The following PEPD variants were observed in gnomAD, a reference collection of about 807,000 sequenced individuals.
PEPD encodes the protein peptidase D.
Under a neutral mutation model 60.7 loss-of-function variants are expected in PEPD, and 53 were observed. The ratio of observed to expected loss-of-function variants is 0.87; its 90% CI spans 0.70 to 1.10. The LOEUF is 1.10. Among genes scored for constraint, PEPD ranks in the 50% least tolerant of loss-of-function variants. The probability of loss-of-function intolerance (pLI) is 0.00; values close to 1 mark genes in which losing one functional copy is unlikely to be tolerated. For missense variants in PEPD, 711 were observed against 711.9 expected (o/e 1.00, Z 0.01); for synonymous variants, 267 against 284.1 (o/e 0.94, Z 0.60).
At chr19:33,520,386 G>A (rs1484831246) in intron 1 of PEPD, among the ~76,000 whole-genome samples, 1 of 152,214 alleles carries the variant, frequency 6.6e-6, no homozygotes, top group Non-Finnish European at 1.5e-5. Flanking sequence ...TCTACCTGAA[G>A]GGAGTCTCAT....
chr19:33,518,585 A>G (rs1971069513), intron 1 of PEPD, among the ~76,000 whole-genome samples: 1 of 152,166 alleles, frequency 6.6e-6, no homozygotes, highest in African/African-American at 2.4e-5. Flanking sequence ...ACCCCTCGGA[A>G]TTCTGTCCCC....
chr19:33,512,686 C>G lies in PEPD; in HGVS notation c.108G>C (p.Lys36Asn). The change falls in exon 2 of 15, where the codon AAG becomes AAC. Residue 36 changes from lysine to asparagine, a missense_variant. Physicochemically the swap from Lys to Asn is moderately conservative, Grantham distance 94. Coordinates refer to ENST00000244137, the MANE Select transcript of PEPD (RefSeq NM_000285.4). ...TGGAGCCGGCCTGCACAGCAGGGTT[C>G]TTCCGCAGCCGCTCACACAGGCGCT... ...NRQRLCERLRKNPAVQAGSIV... is the reference protein window; with the variant it reads ...NRQRLCERLRNNPAVQAGSIV... The G allele has an allele frequency of 6.2e-7, 1 of 1,614,030 alleles. No individual in the cohort carries two copies. The highest frequency in any genetic ancestry group is 8.5e-7 in the Non-Finnish European group (1 of 1,179,988).
At chr19:33,444,038 G>A (rs1056898775) in intron 9 of PEPD, among the ~76,000 whole-genome samples, 3 of 152,208 alleles carry the variant, frequency 2.0e-5, no homozygotes, top group African/African-American at 2.4e-5. Flanking sequence ...TGTAATGGGT[G>A]TATATATCAC....
chr19:33,404,850 A>C (rs1019596687), intron 11 of PEPD, among the ~76,000 whole-genome samples: 2 of 152,106 alleles, frequency 1.3e-5, no homozygotes, highest in Non-Finnish European at 2.9e-5. Flanking sequence ...CTACACACAT[A>C]AGTTATTCAG....
At chr19:33,507,204 GGGTCCCCCGACCT>G (rs1328593504) in intron 3 of PEPD, among the ~76,000 whole-genome samples, 3 of 152,156 alleles carry the variant, frequency 2.0e-5, no homozygotes, top group Non-Finnish European at 2.9e-5. Flanking sequence ...GGTTCCAGGA[GGGTCCCCCGACCT>G]GGTCAAACTG....
chr19:33,491,287 C>CA (rs1970495154), intron 5 of PEPD, among the ~76,000 whole-genome samples: 1 of 151,874 alleles, frequency 6.6e-6, no homozygotes, highest in African/African-American at 2.4e-5. Context: ...CCGTCTCTAA[C>CA]AAAAAACACA....
chr19:33,459,663 C>A (rs1403726803), intron 9 of PEPD, among the ~76,000 whole-genome samples: 2 of 140,912 alleles, frequency 1.4e-5, no homozygotes, highest in African/African-American at 5.5e-5. Flanking sequence ...AAATGCCATC[C>A]GCTCGCTCAC....
chr19:33,452,788 T>C (rs950819480), intron 9 of PEPD, among the ~76,000 whole-genome samples: 6 of 152,182 alleles, frequency 3.9e-5, no homozygotes, highest in African/African-American at 1.4e-4. Context: ...TCTGAAAAGT[T>C]ACCAAAGAAA....
At chr19:33,471,045 C>T (rs1277167743) in intron 7 of PEPD, among the ~76,000 whole-genome samples, 3 of 152,180 alleles carry the variant, frequency 2.0e-5, no homozygotes, top group Non-Finnish European at 4.4e-5. Context: ...ATCCTCCTCC[C>T]AGCAGAGGTG....
chr19:33,511,209 GGACCGGTGGC>G, intron 2 of PEPD, 54 bp from the exon 3 acceptor site: 1 of 1,603,814 alleles, frequency 6.2e-7, no homozygotes, highest in Non-Finnish European at 8.5e-7. Flanking sequence ...GTGCAAGGAG[GGACCGGTGGC>G]TGCATCACAG....
chr19:33,431,992 C>CAAAAAAAAAAAAAAAA (rs906879187), intron 9 of PEPD, among the ~76,000 whole-genome samples: 11 of 77,858 alleles, frequency 1.4e-4, no homozygotes, highest in African/African-American at 1.9e-4. Context: ...GACACCACCT[C>CAAAAAAAAAAAAAAAA]AAAAAAAAAA....
chr19:33,440,476 C>T (rs1330195344), intron 9 of PEPD, among the ~76,000 whole-genome samples: 3 of 152,244 alleles, frequency 2.0e-5, no homozygotes, highest in East Asian at 1.9e-4. Flanking sequence ...ACAGCTGGAC[C>T]GTGGCCCTCC....
At chr19:33,409,428 G>A (rs556387309) in intron 11 of PEPD, among the ~76,000 whole-genome samples, 5 of 152,362 alleles carry the variant, frequency 3.3e-5, no homozygotes, top group Admixed American at 2.0e-4. Flanking sequence ...CAGCACTTTT[G>A]GGAGGCCGAG....
intron 9 of PEPD, among the ~76,000 whole-genome samples, chr19:33,440,300 A>G (rs951825326): frequency 6.6e-6 from 1 of 151,534 alleles, no homozygotes; most frequent in East Asian, 1.9e-4. Flanking sequence ...TTCCCACAAC[A>G]CCCAGCCCTG....
At chr19:33,473,422 C>G (rs755593543) in intron 7 of PEPD, among the ~76,000 whole-genome samples, 2 of 152,158 alleles carry the variant, frequency 1.3e-5, no homozygotes, top group Non-Finnish European at 2.9e-5. Context: ...CCTGTGCACA[C>G]AGAGAGGCCG....
intron 4 of PEPD, among the ~76,000 whole-genome samples, chr19:33,496,805 T>G (rs1335048166): frequency 6.6e-6 from 1 of 152,244 alleles, no homozygotes; most frequent in Non-Finnish European, 1.5e-5. Flanking sequence ...CAGAGCCCTG[T>G]GGGTGTACAT....
intron 9 of PEPD, 186 bp downstream of exon 9, chr19:33,462,809 G>A (rs1969951155): frequency 1.5e-6 from 1 of 651,834 alleles, no homozygotes; most frequent in Non-Finnish European, 2.8e-6. Context: ...CAAACACTCT[G>A]CCAAGAGCCA....
intron 12 of PEPD, among the ~76,000 whole-genome samples, chr19:33,397,567 G>C (rs1968394285): frequency 6.6e-6 from 1 of 151,932 alleles, no homozygotes; most frequent in African/African-American, 2.4e-5. Flanking sequence ...TCTGCCCTTG[G>C]GGGACACCAA....
rs765917851 is a variant in PEPD at position 33,490,028 on chromosome 19, G to A, written c.471C>T (p.Val157=). ...TGCCGTCAAAGGAGGCCTCCCTGCA[G>A]ACACTGCCGCTGTCCGTGTTGACGC... is the stretch of plus-strand genomic sequence containing the variant. ...LRGVNTDSGS[V]CREASFDGIS... is the part of the protein sequence containing the mutation. The change falls in exon 6 of 15, where the codon GTC becomes GTT. Residue 157 remains valine (V), a synonymous_variant. Coordinates refer to ENST00000244137, the MANE Select transcript of PEPD (RefSeq NM_000285.4). 4 of 1,612,358 alleles carry A rather than the reference G, an allele frequency of 2.5e-6. No homozygotes were observed. The highest frequency in any genetic ancestry group is 1.6e-4 in the Middle Eastern group (1 of 6,078).
Sources: gnomAD v4.1 joint callset for allele counts (sites outside exome capture counted in the v4.1 genomes callset) on GRCh38, gnomAD v4.1.1 for gene constraint, MANE v1.5 for transcripts, NCBI Gene and HGNC (gene_info 2026-07-23, HGNC 2026-07-21) for gene names.